CTNNA2: variants seen among roughly 807,000 people sequenced by gnomAD.
The protein encoded by CTNNA2 is catenin alpha-2.
Under a neutral mutation model 101.0 loss-of-function variants are expected in CTNNA2, and 42 were observed. The observed-to-expected ratio is 0.42, with a 90% CI of 0.32 to 0.54. CTNNA2 has a LOEUF of 0.54. CTNNA2 is among the 20% of genes least tolerant of loss of function. CTNNA2 has a pLI of 0.14. For missense variants in CTNNA2, 871 were observed against 1,223.1 expected (o/e 0.71, Z 4.29); for synonymous variants, 450 against 456.4 (o/e 0.99, Z 0.18).
intron 9 of CTNNA2, among the ~76,000 whole-genome samples, chr2:80,440,102 A>G (rs1682424474): frequency 6.6e-6 from 1 of 152,218 alleles, no homozygotes; most frequent in South Asian, 2.1e-4. Flanking sequence ...CACAGTTTTA[A>G]GTAGGGTGGT....
intron 3 of CTNNA2, among the ~76,000 whole-genome samples, chr2:79,360,363 A>G (rs961259726): frequency 1.3e-5 from 2 of 152,214 alleles, no homozygotes; most frequent in African/African-American, 4.8e-5. Context: ...AGAGAAATGT[A>G]CAATCAGAGA....
At chr2:80,112,731 A>G (rs1296135901) in intron 7 of CTNNA2, among the ~76,000 whole-genome samples, 1 of 152,152 alleles carries the variant, frequency 6.6e-6, no homozygotes, top group Non-Finnish European at 1.5e-5. Flanking sequence ...TTTGCCACCT[A>G]CCTGCATTTT....
chr2:79,191,094 A>T (rs1673863817), intron 1 of CTNNA2, among the ~76,000 whole-genome samples: 1 of 152,232 alleles, frequency 6.6e-6, no homozygotes, highest in South Asian at 2.1e-4. Context: ...GTCAGAGTCT[A>T]GAAATATAAG....
intron 7 of CTNNA2, among the ~76,000 whole-genome samples, chr2:80,205,621 G>A (rs895602415): frequency 2.6e-5 from 4 of 152,316 alleles, no homozygotes; most frequent in African/African-American, 9.6e-5. Flanking sequence ...TTAACACTGT[G>A]TCATCCTGAG....
chr2:79,606,039 A>T (rs889195157), intron 1 of CTNNA2, among the ~76,000 whole-genome samples: 1 of 152,226 alleles, frequency 6.6e-6, no homozygotes, highest in Non-Finnish European at 1.5e-5. Context: ...AAAATAATTT[A>T]AAAAATAAAG....
intron 7 of CTNNA2, among the ~76,000 whole-genome samples, chr2:80,337,628 C>T (rs1331858129): frequency 6.6e-6 from 1 of 152,040 alleles, no homozygotes; most frequent in Non-Finnish European, 1.5e-5. Context: ...TACACACACA[C>T]ACCCCTCTCC....
At chr2:79,735,021 ACTT>A (rs1236245704) in intron 2 of CTNNA2, among the ~76,000 whole-genome samples, 2 of 152,060 alleles carry the variant, frequency 1.3e-5, no homozygotes, top group Non-Finnish European at 2.9e-5. Flanking sequence ...CCATTATAAT[ACTT>A]CTTCTCTCCT....
At position 80,012,514 on chromosome 2, in the gene CTNNA2, G is replaced by A. The variant is rs80324410; in HGVS notation, c.1056+102717G>A. On this transcript the variant is annotated intron_variant, in intron 7 of 18. Transcript: ENST00000402739. ...AGGGTCAGCAAACATTTTCTGTAAA[G>A]GACTAGATACAAACATTTTAGGCTT... is the stretch of plus-strand genomic sequence containing the variant. Among the ~76,000 whole-genome samples the A allele has an allele frequency of 6.7e-4, 102 of 152,202 alleles. No individual in the cohort carries two copies. The East Asian group carries it at 0.014, about 21-fold the overall frequency.
At chr2:80,077,766 G>A (rs2148795243) in intron 7 of CTNNA2, among the ~76,000 whole-genome samples, 1 of 152,216 alleles carries the variant, frequency 6.6e-6, no homozygotes, top group East Asian at 1.9e-4. Flanking sequence ...AGTGACAGAA[G>A]GTAGATTAGT....
At chr2:80,484,044 A>G (rs2149504800) in intron 9 of CTNNA2, among the ~76,000 whole-genome samples, 1 of 152,342 alleles carries the variant, frequency 6.6e-6, no homozygotes, top group South Asian at 2.1e-4. Context: ...TATGCTGTAT[A>G]AAAAGAGTCA....
intron 7 of CTNNA2, among the ~76,000 whole-genome samples, chr2:80,286,920 G>A (rs539632106): frequency 6.6e-6 from 1 of 152,238 alleles, no homozygotes; most frequent in African/African-American, 2.4e-5. Flanking sequence ...TCAGTCCCTA[G>A]AAACTAACTG....
At chr2:80,105,978 A>G (rs1271954615) in intron 7 of CTNNA2, among the ~76,000 whole-genome samples, 2 of 152,188 alleles carry the variant, frequency 1.3e-5, no homozygotes, top group Non-Finnish European at 2.9e-5. Flanking sequence ...ATCGCTTGGC[A>G]GGTAACAGTC....
intron 4 of CTNNA2, among the ~76,000 whole-genome samples, chr2:79,418,502 C>G (rs973284700): frequency 6.6e-6 from 1 of 152,094 alleles, no homozygotes; most frequent in Non-Finnish European, 1.5e-5. Flanking sequence ...AATTTTCTCA[C>G]TGTTATAATT....
chr2:79,455,374 C>T (rs1033238578), intron 4 of CTNNA2, among the ~76,000 whole-genome samples: 1 of 152,092 alleles, frequency 6.6e-6, no homozygotes, highest in South Asian at 2.1e-4. Context: ...AAGGTCATCG[C>T]AGTTATGCCT....
At chr2:79,453,438 G>A (rs765137711) in intron 4 of CTNNA2, among the ~76,000 whole-genome samples, 3 of 152,098 alleles carry the variant, frequency 2.0e-5, no homozygotes, top group Non-Finnish European at 4.4e-5. Flanking sequence ...GTAAACAGGA[G>A]CCATGAAAAT....
chr2:79,441,927 A>G (rs957595554), intron 4 of CTNNA2, among the ~76,000 whole-genome samples: 10 of 152,166 alleles, frequency 6.6e-5, no homozygotes, highest in Non-Finnish European at 1.3e-4. Context: ...AACCATCTCC[A>G]TAAAATACCA....
At chr2:79,260,656 G>A (rs911412297) in intron 2 of CTNNA2, among the ~76,000 whole-genome samples, 2 of 152,206 alleles carry the variant, frequency 1.3e-5, no homozygotes, top group East Asian at 1.9e-4. Context: ...CTTCAGGTTC[G>A]CACATTCTGT....
chr2:79,894,395 C>T (rs1684552523), intron 6 of CTNNA2, among the ~76,000 whole-genome samples: 1 of 151,294 alleles, frequency 6.6e-6, no homozygotes, highest in African/African-American at 2.4e-5. Flanking sequence ...TTCTAAAATG[C>T]TAGTCACATA....
intron 1 of CTNNA2, among the ~76,000 whole-genome samples, chr2:79,617,196 T>C (rs1006274189): frequency 2.0e-5 from 3 of 152,116 alleles, no homozygotes; most frequent in Non-Finnish European, 2.9e-5. Context: ...GCCATCGCGT[T>C]CAGCCCTAAT....
Sources: gnomAD v4.1 joint callset for allele counts (sites outside exome capture counted in the v4.1 genomes callset) on GRCh38, gnomAD v4.1.1 for gene constraint, MANE v1.5 for transcripts, NCBI Gene and HGNC (gene_info 2026-07-23, HGNC 2026-07-21) for gene names.